The following FER variants were observed in gnomAD, a reference collection of about 807,000 sequenced individuals.
FER encodes the protein FER tyrosine kinase.
Under a neutral mutation model 111.0 loss-of-function variants are expected in FER, and 63 were observed. The ratio of observed to expected loss-of-function variants is 0.57; its 90% CI spans 0.46 to 0.70. The LOEUF is 0.70. Among genes scored for constraint, FER ranks in the 30% least tolerant of loss-of-function variants. FER has a pLI of 0.00. For synonymous variants in FER, 327 were observed against 313.9 expected, an observed-to-expected ratio of 1.04 and a Z score of -0.44; for missense variants, 914 against 954.0, an observed-to-expected ratio of 0.96 and a Z score of 0.55.
chr5:109,143,755 G>A (rs79092322), intron 17 of FER, among the ~76,000 whole-genome samples: 5,162 of 151,428 alleles, frequency 0.034, 143 homozygotes, highest in South Asian at 0.084. Flanking sequence ...GCCCAGGCTG[G>A]ATTCGAACTC....
intron 2 of FER, among the ~76,000 whole-genome samples, chr5:108,786,453 T>C (rs1487820245): frequency 6.6e-6 from 1 of 152,202 alleles, no homozygotes; most frequent in Non-Finnish European, 1.5e-5. Flanking sequence ...ACTTACGGAA[T>C]AAGGTTGTAC....
intron 5 of FER, among the ~76,000 whole-genome samples, chr5:108,845,375 G>A (rs1420658853): frequency 6.6e-6 from 1 of 151,612 alleles, no homozygotes. Flanking sequence ...TAGAGATGGG[G>A]TTTCACCATG....
chr5:108,799,228 A>G (rs1425837522), intron 3 of FER, among the ~76,000 whole-genome samples: 1 of 152,242 alleles, frequency 6.6e-6, no homozygotes, highest in African/African-American at 2.4e-5. Flanking sequence ...CCAGAATTAC[A>G]CTGTTAATTG....
At chr5:109,152,782 T>C (rs1199728471) in intron 17 of FER, among the ~76,000 whole-genome samples, 1 of 151,964 alleles carries the variant, frequency 6.6e-6, no homozygotes, top group Non-Finnish European at 1.5e-5. Context: ...TCAAACTGTG[T>C]CAAGGAAGGA....
At chr5:109,119,429 C>G (rs1388692771) in intron 17 of FER, among the ~76,000 whole-genome samples, 1 of 152,034 alleles carries the variant, frequency 6.6e-6, no homozygotes, top group Non-Finnish European at 1.5e-5. Context: ...TTACTTCCAA[C>G]TATGTGGTCA....
At chr5:109,083,867 C>G (rs546359492) in intron 16 of FER, among the ~76,000 whole-genome samples, 5 of 152,028 alleles carry the variant, frequency 3.3e-5, no homozygotes, top group Non-Finnish European at 5.9e-5. Context: ...GGCTCATCCC[C>G]AATACCACCA....
chr5:108,898,905 A>G (rs1172954159), intron 10 of FER, among the ~76,000 whole-genome samples: 1 of 151,860 alleles, frequency 6.6e-6, no homozygotes, highest in African/African-American at 2.4e-5. Context: ...CCAGCACAAA[A>G]TTATCCAGGC....
intron 3 of FER, among the ~76,000 whole-genome samples, chr5:108,807,623 G>C (rs1418824667): frequency 6.6e-6 from 1 of 152,118 alleles, no homozygotes; most frequent in African/African-American, 2.4e-5. Flanking sequence ...ATTTCATTCA[G>C]TTTTTCTTTG....
chr5:108,853,060 T>C (rs1762682009), intron 5 of FER, among the ~76,000 whole-genome samples: 2 of 152,174 alleles, frequency 1.3e-5, no homozygotes, highest in South Asian at 4.1e-4. Flanking sequence ...CTATATTTTA[T>C]CGGTAAGCTT....
chr5:108,793,520 G>T (rs556309621), intron 2 of FER, among the ~76,000 whole-genome samples: 4 of 83,112 alleles, frequency 4.8e-5, no homozygotes, highest in East Asian at 2.8e-4. Flanking sequence ...TTGGCGGGGC[G>T]GGGGGGGTGG....
intron 2 of FER, among the ~76,000 whole-genome samples, chr5:108,777,370 T>C (rs1753605856): frequency 6.6e-6 from 1 of 152,230 alleles, no homozygotes; most frequent in Non-Finnish European, 1.5e-5. Flanking sequence ...TCCTCTGTTA[T>C]CAATATTTCT....
At position 108,881,493 on chromosome 5, in the gene FER, G is replaced by A. The variant is rs543726202; in HGVS notation, c.924-1903G>A. On this transcript the variant is annotated intron_variant, in intron 8 of 19. Transcript: ENST00000281092. The stretch of plus-strand genomic sequence containing the variant: ...CCTCTCACAACACGTGGAAATTGTG[G>A]GAGTTACAATTCGAGATGAGATTTG... 6.8e-4 allele frequency among the ~76,000 whole-genome samples: 103 copies of A among 152,206 alleles called. 1 individual carries two copies. Among genetic ancestry groups the A allele is most frequent in the African/African-American group, 2.3e-3 (95 of 41,550 alleles).
intron 9 of FER, among the ~76,000 whole-genome samples, chr5:108,884,178 C>G (rs147317887): frequency 3.3e-5 from 5 of 151,890 alleles, no homozygotes; most frequent in African/African-American, 1.2e-4. Flanking sequence ...CTGACTAGAC[C>G]TCACATATTT....
At chr5:108,850,749 T>C (rs1376355441) in intron 5 of FER, among the ~76,000 whole-genome samples, 1 of 152,214 alleles carries the variant, frequency 6.6e-6, no homozygotes, top group African/African-American at 2.4e-5. Flanking sequence ...TAATTGATTT[T>C]ACTACACCGT....
At chr5:108,772,531 A>G (rs1753040049) in intron 2 of FER, among the ~76,000 whole-genome samples, 1 of 151,810 alleles carries the variant, frequency 6.6e-6, no homozygotes. Flanking sequence ...CTGGTTTCTT[A>G]GAATACTATT....
chr5:108,993,604 C>CGAGGGA (rs1165220669), intron 13 of FER, among the ~76,000 whole-genome samples: 7,342 of 107,638 alleles, frequency 0.068, 312 homozygotes, highest in South Asian at 0.12. Flanking sequence ...AGGGCGAGGG[C>CGAGGGA]GAGGGAGAGG....
At chr5:109,006,200 T>C (rs1765472258) in intron 13 of FER, among the ~76,000 whole-genome samples, 1 of 152,082 alleles carries the variant, frequency 6.6e-6, no homozygotes, top group African/African-American at 2.4e-5. Context: ...TGTAATGAGA[T>C]AGTGAAATGA....
intron 13 of FER, among the ~76,000 whole-genome samples, chr5:109,025,671 G>GT (rs1163264061): frequency 6.6e-6 from 1 of 151,568 alleles, no homozygotes; most frequent in African/African-American, 2.4e-5. Context: ...AATAGGAGTG[G>GT]TGAGAGAGGG....
chr5:109,102,431 T>C (rs1338563206), intron 17 of FER, among the ~76,000 whole-genome samples: 2 of 152,056 alleles, frequency 1.3e-5, no homozygotes, highest in African/African-American at 4.8e-5. Context: ...TCCCTGTATA[T>C]GTTGAGAAGA....
Sources: gnomAD v4.1 joint callset for allele counts (sites outside exome capture counted in the v4.1 genomes callset) on GRCh38, gnomAD v4.1.1 for gene constraint, MANE v1.5 for transcripts, NCBI Gene and HGNC (gene_info 2026-07-23, HGNC 2026-07-21) for gene names.